Variants in DOCK5 observed in about 807,000 individuals in gnomAD.
The protein encoded by DOCK5 is dedicator of cytokinesis protein 5.
In DOCK5, 142 loss-of-function variants were observed where a neutral mutation model predicts 251.8. That is an observed-to-expected ratio of 0.56 (90% CI 0.49 to 0.65). The LOEUF (loss-of-function observed/expected upper bound fraction) is 0.65. Among genes scored for constraint, DOCK5 ranks in the 30% least tolerant of loss-of-function variants. The pLI, the probability that DOCK5 is intolerant of heterozygous loss-of-function variation, is 0.00. For missense variants in DOCK5, 2,111 were observed against 2,312.3 expected, an observed-to-expected ratio of 0.91 and a Z score of 1.79; for synonymous variants, 842 against 835.5, an observed-to-expected ratio of 1.01 and a Z score of -0.13.
chr8:25,372,745 G>C (rs2271107), intron 35 of DOCK5, 27 bp downstream of exon 35: 311,542 of 1,597,290 alleles, frequency 0.2, 33,522 homozygotes, highest in Admixed American at 0.36. Context: ...CGGTGTGATG[G>C]GAGGGTACTG....
At chr8:25,190,387 A>G (rs1193995514) in intron 1 of DOCK5, among the ~76,000 whole-genome samples, 1 of 152,244 alleles carries the variant, frequency 6.6e-6, no homozygotes, top group African/African-American at 2.4e-5. Context: ...GACAGGTCTA[A>G]TAACTAGCAT....
intron 3 of DOCK5, among the ~76,000 whole-genome samples, chr8:25,269,683 C>CT (rs60189641): frequency 0.046 from 6,965 of 152,288 alleles, 521 homozygotes; most frequent in African/African-American, 0.15. Context: ...CTTGTCAGCA[C>CT]TTTTCCTTTG....
At chr8:25,364,523 G>T (rs1399311660) in intron 29 of DOCK5, 103 bp from the exon 30 acceptor site, 1 of 784,336 alleles carries the variant, frequency 1.3e-6, no homozygotes, top group Middle Eastern at 3.6e-4. Flanking sequence ...GAGGTCTTAT[G>T]ATGCCAAGTT....
At chr8:25,350,998 T>G (rs1012986900) in intron 26 of DOCK5, among the ~76,000 whole-genome samples, 2 of 152,208 alleles carry the variant, frequency 1.3e-5, no homozygotes, top group Non-Finnish European at 2.9e-5. Flanking sequence ...AGCTTTGTAT[T>G]TTTGCCTTTA....
intron 40 of DOCK5, among the ~76,000 whole-genome samples, chr8:25,385,679 A>G (rs1309404772): frequency 6.6e-6 from 1 of 152,206 alleles, no homozygotes; most frequent in East Asian, 1.9e-4. Context: ...TATCTAGCTT[A>G]TGTTCCAGCT....
chr8:25,197,575 CTTTTTTTTTTTTTT>C (rs541455591), intron 1 of DOCK5, among the ~76,000 whole-genome samples: 10 of 108,308 alleles, frequency 9.2e-5, no homozygotes, highest in African/African-American at 2.1e-4. Context: ...GTGTCTTTGT[CTTTTTTTTTTTTTT>C]TTTTTTTTTT....
chr8:25,320,829 C>T (rs371635608), intron 15 of DOCK5, 151 bp from the exon 16 acceptor site: 7 of 618,346 alleles, frequency 1.1e-5, no homozygotes, highest in African/African-American at 1.1e-4. Context: ...TTGAAAATAG[C>T]TCAGTCTCCT....
At chr8:25,210,040 G>A (rs573254649) in intron 1 of DOCK5, among the ~76,000 whole-genome samples, 5,503 of 22,812 alleles carry the variant, frequency 0.24, 1,962 homozygotes, top group African/African-American at 0.45. Context: ...ATATAAATGT[G>A]TGTGTGTGTG....
intron 1 of DOCK5, among the ~76,000 whole-genome samples, chr8:25,214,169 G>A (rs917619856): frequency 6.6e-6 from 1 of 152,196 alleles, no homozygotes; most frequent in Non-Finnish European, 1.5e-5. Context: ...AGATTTTGGA[G>A]CATTTTGGAG....
chr8:25,206,142 G>C (rs2117470394), intron 1 of DOCK5, among the ~76,000 whole-genome samples: 1 of 152,276 alleles, frequency 6.6e-6, no homozygotes, highest in African/African-American at 2.4e-5. Flanking sequence ...GAAGGCTGGG[G>C]ACCTGGCACA....
chr8:25,304,386 C>A, intron 11 of DOCK5, 59 bp downstream of exon 11: 1 of 1,436,264 alleles, frequency 7.0e-7, no homozygotes, highest in Non-Finnish European at 9.4e-7. Flanking sequence ...ATTCAATTGT[C>A]TTTTAACACA....
intron 2 of DOCK5, among the ~76,000 whole-genome samples, chr8:25,244,070 T>A (rs547600184): frequency 5.9e-4 from 90 of 152,228 alleles, no homozygotes; most frequent in African/African-American, 2.1e-3. Context: ...ACACTTGGGA[T>A]GTTGGGCTGG....
intron 18 of DOCK5, among the ~76,000 whole-genome samples, 171 bp from the exon 19 acceptor site, chr8:25,332,080 C>G (rs551535220): frequency 1.3e-5 from 2 of 152,244 alleles, no homozygotes; most frequent in African/African-American, 4.8e-5. Context: ...AAGAGGACCA[C>G]AAGGTTTTCT....
intron 34 of DOCK5, among the ~76,000 whole-genome samples, chr8:25,370,290 C>A (rs1800851048): frequency 6.6e-6 from 1 of 152,222 alleles, no homozygotes; most frequent in Non-Finnish European, 1.5e-5. Flanking sequence ...ACTTCAAACC[C>A]TGTTTTCGCC....
chr8:25,402,150 A>C (rs1484338449), intron 47 of DOCK5, among the ~76,000 whole-genome samples: 2 of 152,036 alleles, frequency 1.3e-5, no homozygotes, highest in African/African-American at 4.8e-5. Flanking sequence ...TGTTTTTGAG[A>C]CAGGATCTCT....
At chr8:25,231,306 G>A (rs1013220967) in intron 1 of DOCK5, among the ~76,000 whole-genome samples, 1 of 151,988 alleles carries the variant, frequency 6.6e-6, no homozygotes, top group East Asian at 1.9e-4. Flanking sequence ...GGACATTAGG[G>A]GTGAATCTCT....
At chr8:25,293,463 G>A (rs1312660793) in intron 6 of DOCK5, among the ~76,000 whole-genome samples, 8 of 152,154 alleles carry the variant, frequency 5.3e-5, no homozygotes, top group Non-Finnish European at 1.2e-4. Flanking sequence ...ATAGGGTTGA[G>A]GTAGCTGTTA....
At chr8:25,330,253 C>T (rs934122216) in intron 18 of DOCK5, among the ~76,000 whole-genome samples, 4 of 152,160 alleles carry the variant, frequency 2.6e-5, no homozygotes, top group African/African-American at 9.7e-5. Context: ...TATCAGTTTC[C>T]TTAGGGCTAC....
In DOCK5 at chr8:25,210,415, G is replaced by A. The variant is rs148977325; in HGVS notation, c.43+25464G>A. On this transcript the variant is annotated intron_variant, in intron 1 of 51. Coordinates refer to ENST00000276440, the MANE Select transcript of DOCK5 (RefSeq NM_024940.8). ...GGGGTGAGGTGCTGTTGTCGAGTTG[G>A]GATGGTCAGATAACGGCTCTGTGGA... Among the ~76,000 whole-genome samples, 364 of 68,364 alleles carry A rather than the reference G, an allele frequency of 5.3e-3. 99 individuals are homozygous for A. The highest frequency in any genetic ancestry group is 0.011 in the African/African-American group (338 of 30,038). The allele number at this position is 68,364 out of a possible 152,430, so 44.8% of individuals were successfully genotyped here.
Sources: allele counts gnomAD v4.1 joint callset (sites outside exome capture counted in the v4.1 genomes callset), GRCh38; gene constraint gnomAD v4.1.1; transcripts MANE v1.5; gene names NCBI Gene and HGNC (gene_info 2026-07-23, HGNC 2026-07-21).